UBR3: variants seen among roughly 807,000 people sequenced by gnomAD.
The protein encoded by UBR3 is E3 ubiquitin-protein ligase UBR3.
In UBR3, 85 loss-of-function variants were observed where a neutral mutation model predicts 243.2. The observed-to-expected ratio is 0.35, with a 90% CI of 0.29 to 0.42. The LOEUF is 0.42. Ranked by LOEUF, UBR3 falls within the 10% of genes least tolerant of loss-of-function variation. The probability of loss-of-function intolerance (pLI) is 1.00; values close to 1 mark genes in which losing one functional copy is unlikely to be tolerated. For synonymous variants in UBR3, 748 were observed against 799.8 expected, an observed-to-expected ratio of 0.94 and a Z score of 1.09; for missense variants, 1,686 against 2,300.8, an observed-to-expected ratio of 0.73 and a Z score of 5.47.
At position 169,903,026 on chromosome 2, in the gene UBR3, G is replaced by T. The variant is rs369902794; in HGVS notation, c.1466-2088G>T. ...AGATGTTAATCTCCATGAAGACAGA[G>T]ATCATCTAAATCTTGATTTATTTAT... On this transcript the variant is annotated intron_variant, in intron 8 of 38. Transcript: ENST00000272793. Among the ~76,000 whole-genome samples the T allele has an allele frequency of 3.3e-5, 5 of 152,288 alleles. No individual in the cohort carries two copies. The East Asian group carries it at 5.8e-4, about 18-fold the overall frequency.
intron 10 of UBR3, among the ~76,000 whole-genome samples, chr2:169,907,893 T>A (rs2085081000): frequency 1.3e-5 from 2 of 152,094 alleles, no homozygotes; most frequent in Admixed American, 1.3e-4. Context: ...TGCCTCCACC[T>A]CCCAAGTAGC....
At chr2:170,048,711 A>G (rs1001136026) in intron 32 of UBR3, among the ~76,000 whole-genome samples, 1 of 152,202 alleles carries the variant, frequency 6.6e-6, no homozygotes, top group Non-Finnish European at 1.5e-5. Flanking sequence ...GAGAAACTAA[A>G]GTTTTTTCTT....
At chr2:169,878,409 A>T in intron 4 of UBR3, 116 bp from the exon 5 acceptor site, 4 of 846,074 alleles carry the variant, frequency 4.7e-6, no homozygotes, top group Non-Finnish European at 7.4e-6. Flanking sequence ...TGTTAGAATG[A>T]GGTGTCCTAA....
intron 38 of UBR3, 91 bp downstream of exon 38, chr2:170,080,775 T>C: frequency 2.9e-6 from 4 of 1,380,554 alleles, no homozygotes; most frequent in Non-Finnish European, 3.9e-6. Context: ...TTACAATTTT[T>C]TTAATATTAA....
intron 1 of UBR3, among the ~76,000 whole-genome samples, chr2:169,848,057 C>G (rs1055230477): frequency 2.0e-5 from 3 of 152,192 alleles, no homozygotes; most frequent in African/African-American, 7.2e-5. Context: ...CATTTTGATT[C>G]TCCTTCCTTT....
chr2:169,895,456 T>A, intron 7 of UBR3, 145 bp downstream of exon 7: 1 of 943,690 alleles, frequency 1.1e-6, no homozygotes, highest in Non-Finnish European at 1.5e-6. Flanking sequence ...TAACACAAGT[T>A]CTTCACAAAA....
chr2:169,903,275 A>G (rs1489993404), intron 8 of UBR3, among the ~76,000 whole-genome samples: 1 of 152,230 alleles, frequency 6.6e-6, no homozygotes, highest in East Asian at 1.9e-4. Flanking sequence ...TCATGAAAAT[A>G]GTGAGTTTGA....
chr2:170,071,899 A>C (rs1038115568), intron 35 of UBR3, among the ~76,000 whole-genome samples: 5 of 152,192 alleles, frequency 3.3e-5, no homozygotes, highest in Non-Finnish European at 7.4e-5. Flanking sequence ...ATTTTAAAGC[A>C]GTCATTAAAA....
intron 32 of UBR3, among the ~76,000 whole-genome samples, chr2:170,042,219 C>T (rs569700012): frequency 2.0e-5 from 3 of 152,224 alleles, no homozygotes; most frequent in African/African-American, 7.2e-5. Flanking sequence ...TGATATTATA[C>T]ATTACGTTGC....
chr2:169,925,192 T>C (rs1267574840), intron 13 of UBR3, among the ~76,000 whole-genome samples: 1 of 152,240 alleles, frequency 6.6e-6, no homozygotes, highest in Non-Finnish European at 1.5e-5. Flanking sequence ...GAATTAAAGA[T>C]GTAGAATGTA....
At chr2:169,911,118 AAAG>A (rs1357027770) in intron 10 of UBR3, among the ~76,000 whole-genome samples, 1 of 152,204 alleles carries the variant, frequency 6.6e-6, no homozygotes, top group African/African-American at 2.4e-5. Flanking sequence ...CTAGTTAAAA[AAAG>A]TAATACTACC....
chr2:169,977,639 T>C (rs1293856958), intron 24 of UBR3, among the ~76,000 whole-genome samples: 1 of 152,174 alleles, frequency 6.6e-6, no homozygotes, highest in Non-Finnish European at 1.5e-5. Flanking sequence ...AATATCACCC[T>C]TCTGCCTGCT....
intron 20 of UBR3, among the ~76,000 whole-genome samples, chr2:169,944,923 T>C (rs985889711): frequency 2.0e-5 from 3 of 152,162 alleles, no homozygotes; most frequent in African/African-American, 7.2e-5. Flanking sequence ...CTTGGTTTTC[T>C]CTCCATAACA....
intron 1 of UBR3, among the ~76,000 whole-genome samples, chr2:169,846,741 T>C (rs1336178138): frequency 3.3e-5 from 5 of 151,598 alleles, no homozygotes; most frequent in African/African-American, 4.8e-5. Context: ...TCTTTTAAAG[T>C]ATTTTTTTGG....
chr2:169,844,812 T>C (rs1349375161), intron 1 of UBR3, among the ~76,000 whole-genome samples: 12 of 152,186 alleles, frequency 7.9e-5, no homozygotes, highest in Admixed American at 7.9e-4. Context: ...TTATCACTTT[T>C]GTTACTTTTT....
chr2:170,019,416 G>C (rs1450686519), intron 30 of UBR3, among the ~76,000 whole-genome samples: 1 of 152,188 alleles, frequency 6.6e-6, no homozygotes, highest in Non-Finnish European at 1.5e-5. Flanking sequence ...AGGTGCGGTG[G>C]CTCACTCATG....
intron 19 of UBR3, among the ~76,000 whole-genome samples, chr2:169,940,668 G>A (rs948270061): frequency 1.6e-4 from 25 of 152,174 alleles, no homozygotes; most frequent in Non-Finnish European, 5.9e-5. Flanking sequence ...ATTTAGATAA[G>A]TATGTTAATA....
Position 170,073,408 on chromosome 2 carries a change from T to C in UBR3, c.5020-20T>C, listed in dbSNP as rs2091741473. The stretch of plus-strand genomic sequence containing the variant: ...TTCTTGATGAAATATTTTCAGAATT[T>C]CCTATTTCATGTCTAAAAGGAAGAA... On this transcript the variant is annotated intron_variant, in intron 35 of 38. Transcript: ENST00000272793. 2 of 1,612,488 alleles carry C rather than the reference T, an allele frequency of 1.2e-6. No homozygotes were observed. Among genetic ancestry groups the C allele is most frequent in the Non-Finnish European group, 1.7e-6 (2 of 1,179,088 alleles).
intron 32 of UBR3, among the ~76,000 whole-genome samples, chr2:170,051,381 T>G (rs2091213081): frequency 6.6e-6 from 1 of 152,226 alleles, no homozygotes; most frequent in African/African-American, 2.4e-5. Context: ...TTCACTCTTG[T>G]TGCCCAGGCT....
Sources: allele counts gnomAD v4.1 joint callset (sites outside exome capture counted in the v4.1 genomes callset), GRCh38; gene constraint gnomAD v4.1.1; transcripts MANE v1.5; gene names NCBI Gene and HGNC (gene_info 2026-07-23, HGNC 2026-07-21).